Variants in ELF2 observed in about 807,000 individuals in gnomAD.
ELF2 encodes ETS-related transcription factor Elf-2.
ELF2 carries 11 observed loss-of-function variants against 54.8 expected under a neutral mutation model. That is an observed-to-expected ratio of 0.20 (90% CI 0.13 to 0.33). ELF2 has a LOEUF of 0.33. Ranked by LOEUF, ELF2 falls within the 10% of genes least tolerant of loss-of-function variation. The pLI is 1.00. For missense variants in ELF2, 513 were observed against 703.0 expected (o/e 0.73, Z 3.06); for synonymous variants, 203 against 245.1 (o/e 0.83, Z 1.61).
chr4:139,173,787 A>C (rs1449262876), intron 1 of ELF2, among the ~76,000 whole-genome samples: 1 of 150,916 alleles, frequency 6.6e-6, no homozygotes, highest in Non-Finnish European at 1.5e-5. Context: ...GACTATAAAA[A>C]ATTTTTTTAA....
At chr4:139,089,649 A>T (rs1229477996) in intron 4 of ELF2, among the ~76,000 whole-genome samples, 1 of 152,218 alleles carries the variant, frequency 6.6e-6, no homozygotes, top group Non-Finnish European at 1.5e-5. Flanking sequence ...GTATTTTTTA[A>T]TCATTCAAGA....
At chr4:139,127,983 A>T (rs995626097) in intron 3 of ELF2, among the ~76,000 whole-genome samples, 2 of 150,340 alleles carry the variant, frequency 1.3e-5, no homozygotes, top group Admixed American at 6.6e-5. Flanking sequence ...AAAAAAAAAA[A>T]TTCAGACCAG....
At chr4:139,147,155 G>A (rs1342736422) in intron 1 of ELF2, among the ~76,000 whole-genome samples, 3 of 151,970 alleles carry the variant, frequency 2.0e-5, no homozygotes, top group African/African-American at 7.2e-5. Context: ...AAGGACCAAC[G>A]TCCAGAATCC....
rs1404423587 is a variant in ELF2 at position 139,080,036 on chromosome 4, G to A, written c.239-6469C>T. Reference sequence around the variant, plus strand: ...TTCTTTGCATCCTTTTGAACATTTTGCTATAGATGACACAAGGAATCATTT... The same window carrying A: ...TTCTTTGCATCCTTTTGAACATTTTACTATAGATGACACAAGGAATCATTT... On this transcript the variant is annotated intron_variant, in intron 4 of 9. Transcript: ENST00000686138. Among the ~76,000 whole-genome samples, 5 of 152,314 alleles carry A rather than the reference G, an allele frequency of 3.3e-5. No individual in the cohort carries two copies. The South Asian group carries it at 8.3e-4, about 25-fold the overall frequency.
At chr4:139,169,767 G>T (rs1410441596) in intron 1 of ELF2, among the ~76,000 whole-genome samples, 1 of 150,570 alleles carries the variant, frequency 6.6e-6, no homozygotes, top group African/African-American at 2.4e-5. Context: ...TGAGGCAGGA[G>T]AATGGCGTGA....
At chr4:139,177,766 T>A (rs1169299503), upstream of ELF2, among the ~76,000 whole-genome samples, 1 of 152,052 alleles carries the variant, frequency 6.6e-6, no homozygotes, top group African/African-American at 2.4e-5. Flanking sequence ...GGCCCCGCCG[T>A]CACCGCATCC....
intron 1 of ELF2, among the ~76,000 whole-genome samples, chr4:139,166,368 C>T (rs889135069): frequency 5.3e-5 from 8 of 150,870 alleles, no homozygotes; most frequent in Non-Finnish European, 1.0e-4. Flanking sequence ...GCCTGGGTGA[C>T]AGAGTCAAAC....
intron 1 of ELF2, among the ~76,000 whole-genome samples, chr4:139,142,348 T>G (rs1049857369): frequency 6.6e-6 from 1 of 152,042 alleles, no homozygotes; most frequent in African/African-American, 2.4e-5. Context: ...GCCTGACTAG[T>G]TAAAGGACCG....
chr4:139,117,616 AC>A (rs1735873675), intron 4 of ELF2, among the ~76,000 whole-genome samples: 1 of 151,814 alleles, frequency 6.6e-6, no homozygotes, highest in Admixed American at 6.6e-5. Flanking sequence ...AATTGCTTGA[AC>A]CCAAGAGGCA....
chr4:139,149,406 T>C (rs182534780), intron 1 of ELF2, among the ~76,000 whole-genome samples: 196 of 152,226 alleles, frequency 1.3e-3, no homozygotes, highest in African/African-American at 4.5e-3. Flanking sequence ...GGTCAGGAGT[T>C]TGAGACCAGC....
downstream of ELF2, chr4:139,057,244 CAA>C (rs1256451031): frequency 6.6e-6 from 1 of 152,096 alleles, no homozygotes; most frequent in African/African-American, 2.4e-5. Flanking sequence ...GGAAAATAAT[CAA>C]GTGAGTTTTT....
chr4:139,088,628 C>A (rs1384574736), intron 4 of ELF2, among the ~76,000 whole-genome samples: 1 of 152,142 alleles, frequency 6.6e-6, no homozygotes, highest in Non-Finnish European at 1.5e-5. Flanking sequence ...TCTACACAAC[C>A]GTTAAATGTG....
chr4:139,170,798 T>G (rs1327031749), intron 1 of ELF2, among the ~76,000 whole-genome samples: 1 of 151,320 alleles, frequency 6.6e-6, no homozygotes, highest in Non-Finnish European at 1.5e-5. Context: ...CAGGCTGCAG[T>G]GCAGTGTTGC....
chr4:139,071,792 A>G (rs1379920840), intron 6 of ELF2, 74 bp downstream of exon 6: 8 of 1,359,274 alleles, frequency 5.9e-6, no homozygotes, highest in Non-Finnish European at 8.0e-6. Flanking sequence ...ACTACTTTCT[A>G]TGTCCCTTGA....
chr4:139,100,531 A>G (rs190498182), intron 4 of ELF2: 4 of 152,394 alleles, frequency 2.6e-5, no homozygotes, highest in African/African-American at 9.6e-5. Flanking sequence ...AAGGTTGCCT[A>G]AGGAGAGGTG....
At chr4:139,165,375 G>C (rs1355080920) in intron 1 of ELF2, among the ~76,000 whole-genome samples, 1 of 152,158 alleles carries the variant, frequency 6.6e-6, no homozygotes, top group Non-Finnish European at 1.5e-5. Context: ...TCTAAATTAA[G>C]TCTTTTGGCT....
At chr4:139,108,813 G>A (rs1333875961) in intron 4 of ELF2, among the ~76,000 whole-genome samples, 1 of 152,110 alleles carries the variant, frequency 6.6e-6, no homozygotes, top group Non-Finnish European at 1.5e-5. Flanking sequence ...TGGTTGTTAA[G>A]GAAGGTCACA....
chr4:139,059,532 C>T lies in ELF2; in HGVS notation c.1233G>A (p.Gln411=). 1 of 1,613,874 alleles carries T rather than the reference C, an allele frequency of 6.2e-7. No homozygotes were observed. Among genetic ancestry groups the T allele is most frequent in the South Asian group, 1.1e-5 (1 of 91,074 alleles). ...TTAATGGTGCACCTGCATTAACTGA[C>T]TGAACTGCCACAGTTGAAATTTTCT... ...LGQKISTVAV[Q]SVNAGAPLIT... is the part of the protein sequence containing the mutation. The change falls in exon 10 of 10, where the codon CAG becomes CAA. Residue 411 remains glutamine (Q), a synonymous_variant. Transcript: ENST00000686138.
At chr4:139,091,530 G>C (rs911473024) in intron 4 of ELF2, among the ~76,000 whole-genome samples, 1 of 152,100 alleles carries the variant, frequency 6.6e-6, no homozygotes, top group African/African-American at 2.4e-5. Flanking sequence ...TGTTGCCCAG[G>C]CTGAGTGCAG....
Sources: allele counts gnomAD v4.1 joint callset (sites outside exome capture counted in the v4.1 genomes callset), GRCh38; gene constraint gnomAD v4.1.1; transcripts MANE v1.5; gene names NCBI Gene and HGNC (gene_info 2026-07-23, HGNC 2026-07-21).